Variants in CYP4X1 observed in about 807,000 individuals in gnomAD.
CYP4X1 encodes the protein cytochrome P450 family 4 subfamily X member 1, also known as cytochrome P450 4X1.
Under a neutral mutation model 57.9 loss-of-function variants are expected in CYP4X1, and 44 were observed. That is an observed-to-expected ratio of 0.76 (90% CI 0.60 to 0.98). The LOEUF is 0.98. CYP4X1 is among the 50% of genes least tolerant of loss of function. The pLI is 0.00. For missense variants in CYP4X1, 532 were observed against 623.9 expected (o/e 0.85, Z 1.57); for synonymous variants, 227 against 228.6 (o/e 0.99, Z 0.06).
chr1:46,991,242 T>G, the CYP4X1 span, among the ~76,000 whole-genome samples: 49 of 152,170 alleles, frequency 3.2e-4, no homozygotes, highest in Non-Finnish European at 5.6e-4. Context: ...TGCCACCTAC[T>G]GGCCTACGTT....
chr1:47,037,049 C>T (rs1177022401), intron 6 of CYP4X1, among the ~76,000 whole-genome samples: 2 of 152,114 alleles, frequency 1.3e-5, no homozygotes, highest in South Asian at 4.1e-4. Context: ...TTATAAATAG[C>T]AGCAGTTCCC....
chr1:47,050,923 A>C (rs1213228623), downstream of CYP4X1, among the ~76,000 whole-genome samples: 18 of 152,234 alleles, frequency 1.2e-4, no homozygotes, highest in Admixed American at 9.8e-4. Context: ...ACAGCAAAAC[A>C]AACTACCATC....
downstream of CYP4X1, among the ~76,000 whole-genome samples, chr1:47,051,378 C>CAA (rs71658807): frequency 0.12 from 16,601 of 134,994 alleles, 1,069 homozygotes; most frequent in East Asian, 0.24. Context: ...GACTCCATCT[C>CAA]AAAAAAAAAA....
At chr1:46,976,359 C>A in the CYP4X1 span, among the ~76,000 whole-genome samples, 122 of 152,238 alleles carry the variant, frequency 8.0e-4, no homozygotes, top group African/African-American at 2.9e-3. Context: ...CACAGCAGTC[C>A]GAGATTGAAG....
the CYP4X1 span, among the ~76,000 whole-genome samples, chr1:46,971,665 C>T: frequency 6.6e-6 from 1 of 152,176 alleles, no homozygotes; most frequent in Admixed American, 6.5e-5. Context: ...TTGCATTTCT[C>T]TAATAGTTAG....
At chr1:47,019,704 A>G (rs985578383), upstream of CYP4X1, among the ~76,000 whole-genome samples, 1 of 152,108 alleles carries the variant, frequency 6.6e-6, no homozygotes, top group African/African-American at 2.4e-5. Flanking sequence ...TTATTCTCAT[A>G]AATGTTAAGG....
upstream of CYP4X1, among the ~76,000 whole-genome samples, chr1:47,020,518 T>C (rs1444005863): frequency 1.3e-5 from 2 of 152,230 alleles, no homozygotes; most frequent in African/African-American, 2.4e-5. Context: ...CTTTCTGTGA[T>C]AGCTACCTTA....
chr1:47,051,302 C>T (rs1453921429), downstream of CYP4X1, among the ~76,000 whole-genome samples: 3 of 151,018 alleles, frequency 2.0e-5, no homozygotes, highest in Non-Finnish European at 4.4e-5. Context: ...TCACTTGAAC[C>T]CGGGAGGGGG....
At chr1:47,054,272 A>G (rs1162967119), downstream of CYP4X1, among the ~76,000 whole-genome samples, 338 of 151,948 alleles carry the variant, frequency 2.2e-3, 2 homozygotes, top group Non-Finnish European at 3.7e-3. Context: ...TGTTCCATTG[A>G]TCTATATCTC....
intron 5 of CYP4X1, 41 bp from the exon 6 acceptor site, chr1:47,035,976 T>C (rs1644175866): frequency 6.2e-7 from 1 of 1,611,410 alleles, no homozygotes; most frequent in Non-Finnish European, 8.5e-7. Context: ...TCACATTTTC[T>C]AAGTTGTTTA....
intron 1 of CYP4X1, among the ~76,000 whole-genome samples, chr1:47,026,553 C>G (rs1466941542): frequency 6.6e-6 from 1 of 152,096 alleles, no homozygotes; most frequent in African/African-American, 2.4e-5. Context: ...ATTTTAGACT[C>G]AGCCTATCAA....
At chr1:46,988,823 C>A in the CYP4X1 span, among the ~76,000 whole-genome samples, 1 of 152,022 alleles carries the variant, frequency 6.6e-6, no homozygotes, top group East Asian at 1.9e-4. Flanking sequence ...TCAACAGATG[C>A]AGAAAAAGGC....
At chr1:47,046,257 A>G (rs572690876) in intron 8 of CYP4X1, among the ~76,000 whole-genome samples, 1 of 152,306 alleles carries the variant, frequency 6.6e-6, no homozygotes, top group Admixed American at 6.5e-5. Context: ...TCACTTTATA[A>G]TAAGGATATA....
At chr1:46,983,056 G>A in the CYP4X1 span, among the ~76,000 whole-genome samples, 8 of 152,202 alleles carry the variant, frequency 5.3e-5, no homozygotes, top group African/African-American at 1.9e-4. Flanking sequence ...CTGGGGACAC[G>A]TGGTGGGGTG....
chr1:47,050,011 G>A lies in CYP4X1; in HGVS notation c.1367G>A (p.Gly456Glu). Reference protein sequence around the residue: ...PFSAGSRNCIGQEFAMIELKV... With the variant: ...PFSAGSRNCIEQEFAMIELKV... ...CCTCTTGTCTTCAGGAACTGCATTG[G>A]GCAGGAGTTTGCCATGATTGAGTTA... Residue 456 changes from glycine (G) to glutamate (E), a missense_variant, in exon 12 of 12, where the codon GGG becomes GAG. By Grantham distance (98) the Gly-to-Glu change is moderately conservative (BLOSUM62 -2). Coordinates refer to ENST00000371901, the MANE Select transcript of CYP4X1 (RefSeq NM_178033.2). 1.9e-6 allele frequency: 3 copies of A among 1,613,746 alleles called. No homozygotes were observed. Among genetic ancestry groups the A allele is most frequent in the African/African-American group, 1.3e-5 (1 of 74,904 alleles).
At chr1:46,966,241 G>T in the CYP4X1 span, among the ~76,000 whole-genome samples, 1 of 152,154 alleles carries the variant, frequency 6.6e-6, no homozygotes, top group East Asian at 1.9e-4. Context: ...TGCTTGGCTC[G>T]CCGGATTCAG....
At chr1:46,963,213 C>A in the CYP4X1 span, among the ~76,000 whole-genome samples, 51 of 152,208 alleles carry the variant, frequency 3.4e-4, 2 homozygotes, top group South Asian at 1.0e-2. Context: ...ATCCAATTTG[C>A]CAGTCTGTGT....
chr1:47,007,789 C>T, the CYP4X1 span, among the ~76,000 whole-genome samples: 1 of 152,182 alleles, frequency 6.6e-6, no homozygotes, highest in Non-Finnish European at 1.5e-5. Flanking sequence ...ATGCACAAGC[C>T]TCAGTAGCCA....
chr1:46,967,656 G>A, the CYP4X1 span: 117 of 467,142 alleles, frequency 2.5e-4, no homozygotes, highest in African/African-American at 2.3e-3. Flanking sequence ...AGGAAGACAG[G>A]GTGGCAGGTG....
Sources: gnomAD v4.1 joint callset for allele counts (sites outside exome capture counted in the v4.1 genomes callset) on GRCh38, gnomAD v4.1.1 for gene constraint, MANE v1.5 for transcripts, NCBI Gene and HGNC (gene_info 2026-07-23, HGNC 2026-07-21) for gene names.